Variants in KCNJ6 observed in about 807,000 individuals in gnomAD.
The protein encoded by KCNJ6 is G protein-activated inward rectifier potassium channel 2.
A neutral mutation model predicts 34.2 loss-of-function variants in KCNJ6; 9 were observed. The observed-to-expected ratio is 0.26, with a 90% CI of 0.16 to 0.46. KCNJ6 has a LOEUF of 0.46. KCNJ6 is among the 20% of genes least tolerant of loss of function. KCNJ6 has a pLI of 1.00. For missense variants in KCNJ6, 236 were observed against 531.3 expected (o/e 0.44, Z 5.46); for synonymous variants, 196 against 207.1 (o/e 0.95, Z 0.46).
Position 37,619,760 on chromosome 21 carries a change from G to A in KCNJ6, c.*5399C>T, listed in dbSNP as rs976716697. On this transcript the variant is annotated 3_prime_UTR_variant, in exon 4 of 4. Transcript: ENST00000609713. ...TGGGCTGCTTTGCTGAGCAGAGACT[G>A]GCAGCCTGAGCTATGTACATCATCC... The A allele has an allele frequency of 2.6e-5, 4 of 152,248 alleles. No homozygotes were observed. The highest frequency in any genetic ancestry group is 5.9e-5 in the Non-Finnish European group (4 of 68,068). The allele number at this position is 152,248 out of a possible 1,614,324, so 9.4% of individuals were successfully genotyped here.
At chr21:37,667,674 G>A (rs951478526) in intron 3 of KCNJ6, among the ~76,000 whole-genome samples, 6 of 151,920 alleles carry the variant, frequency 3.9e-5, no homozygotes, top group African/African-American at 9.7e-5. Flanking sequence ...CAGGTCCGGG[G>A]TAGCGGGCTC....
intron 3 of KCNJ6, among the ~76,000 whole-genome samples, chr21:37,665,623 A>C (rs2054510397): frequency 6.6e-6 from 1 of 152,192 alleles, no homozygotes; most frequent in Admixed American, 6.5e-5. Context: ...CAGGTGTGCC[A>C]ACCTTTCCTT....
At chr21:37,697,437 C>T (rs1324750862) in intron 3 of KCNJ6, among the ~76,000 whole-genome samples, 2 of 152,130 alleles carry the variant, frequency 1.3e-5, no homozygotes, top group African/African-American at 4.8e-5. Context: ...CCTGAGTATT[C>T]CCAATGTGTG....
At chr21:37,720,164 A>C (rs2123457606) in intron 2 of KCNJ6, among the ~76,000 whole-genome samples, 1 of 152,318 alleles carries the variant, frequency 6.6e-6, no homozygotes, top group South Asian at 2.1e-4. Context: ...ATTTTCTAGA[A>C]TACATTTATA....
chr21:37,731,098 GA>G (rs2054881921), intron 2 of KCNJ6, among the ~76,000 whole-genome samples: 1 of 51,572 alleles, frequency 1.9e-5, no homozygotes, highest in South Asian at 1.2e-3. Flanking sequence ...ATAGATGAGA[GA>G]AGTGTGTGTG....
intron 1 of KCNJ6, among the ~76,000 whole-genome samples, chr21:37,884,972 T>C (rs2123627824): frequency 6.6e-6 from 1 of 152,250 alleles, no homozygotes; most frequent in East Asian, 1.9e-4. Flanking sequence ...CTAGAGCTTC[T>C]TGTTCTCAGA....
Position 37,625,271 on chromosome 21 carries a change from C to T in KCNJ6, c.1160G>A (p.Ser387Asn), listed in dbSNP as rs772844466. ...CAGTTCTGCATGTTGGTTGAGTTTG[C>T]TGGATACAGACCAACTCAGGGGCAG... ...AELPLSWSVS[S>N]KLNQHAELET... The change falls in exon 4 of 4, where the codon AGC becomes AAC. Residue 387 changes from serine (S) to asparagine (N), a missense_variant. Physicochemically the swap from Ser to Asn is conservative, Grantham distance 46. Around this residue, in one of 5 missense-constraint regions of KCNJ6, gnomAD observed 43 missense variants for 52.1 expected, o/e 0.82. Transcript: ENST00000609713. 6.2e-7 allele frequency: 1 copy of T among 1,614,160 alleles called. No individual in the cohort carries two copies. Among genetic ancestry groups the T allele is most frequent in the Non-Finnish European group, 8.5e-7 (1 of 1,180,002 alleles).
chr21:37,685,510 C>A, intron 3 of KCNJ6, among the ~76,000 whole-genome samples: 1 of 22,776 alleles, frequency 4.4e-5, no homozygotes, highest in Non-Finnish European at 1.5e-4. Context: ...TGAAACCCCG[C>A]CTCTACTAAA....
rs2054672129 is a variant in KCNJ6, at chr21:37,698,125, G to A, written c.946+16086C>T. 2.0e-5 allele frequency among the ~76,000 whole-genome samples: 3 copies of A among 152,224 alleles called. No homozygotes were observed. In the South Asian group the frequency reaches 6.2e-4, roughly 32 times the overall value. ...AAAACAGAATGTTAATAATAGTACTGTTTACTGCGGGATCTCTGCTTTTGA... is the reference window on the plus strand; with the variant it reads ...AAAACAGAATGTTAATAATAGTACTATTTACTGCGGGATCTCTGCTTTTGA... On this transcript the variant is annotated intron_variant, in intron 3 of 3. Transcript: ENST00000609713.
intron 2 of KCNJ6, among the ~76,000 whole-genome samples, chr21:37,775,158 G>T (rs2055136044): frequency 6.6e-6 from 1 of 152,082 alleles, no homozygotes; most frequent in Non-Finnish European, 1.5e-5. Context: ...CTTTTGAGAA[G>T]TATCTGTTCA....
chr21:37,880,360 T>C (rs964815581), intron 1 of KCNJ6, among the ~76,000 whole-genome samples: 1 of 152,206 alleles, frequency 6.6e-6, no homozygotes, highest in African/African-American at 2.4e-5. Flanking sequence ...AGAGAAACAT[T>C]GGAATTTAGT....
chr21:37,690,709 T>C (rs2054635633), intron 3 of KCNJ6, among the ~76,000 whole-genome samples: 1 of 152,174 alleles, frequency 6.6e-6, no homozygotes, highest in Non-Finnish European at 1.5e-5. Context: ...CAAACAGAAA[T>C]TGGACATAAA....
intron 3 of KCNJ6, among the ~76,000 whole-genome samples, chr21:37,629,304 T>G (rs1002645905): frequency 2.6e-5 from 4 of 152,118 alleles, no homozygotes; most frequent in Non-Finnish European, 5.9e-5. Flanking sequence ...TGATCCAAAA[T>G]ATGTGGTGGG....
At chr21:37,873,058 G>A (rs1009416804) in intron 1 of KCNJ6, among the ~76,000 whole-genome samples, 4 of 152,036 alleles carry the variant, frequency 2.6e-5, no homozygotes, top group South Asian at 2.1e-4. Flanking sequence ...TCATAGCAAC[G>A]TTGAGAACAG....
chr21:37,877,414 G>C (rs181212731), intron 1 of KCNJ6, among the ~76,000 whole-genome samples: 1 of 152,126 alleles, frequency 6.6e-6, no homozygotes, highest in Non-Finnish European at 1.5e-5. Context: ...CTCTCTGCAG[G>C]ATGTGCAGAG....
chr21:37,803,094 C>T (rs937828120), intron 2 of KCNJ6, among the ~76,000 whole-genome samples: 3 of 152,210 alleles, frequency 2.0e-5, no homozygotes, highest in South Asian at 4.1e-4. Context: ...TCCTTGTCAA[C>T]GCACAGCGAA....
At chr21:37,894,480 T>C (rs758157907) in intron 1 of KCNJ6, among the ~76,000 whole-genome samples, 5 of 152,108 alleles carry the variant, frequency 3.3e-5, no homozygotes, top group African/African-American at 9.7e-5. Flanking sequence ...CTGGCCAAGA[T>C]AGTGAAACCC....
chr21:37,704,309 G>T (rs2054707567), intron 3 of KCNJ6, among the ~76,000 whole-genome samples: 1 of 134,762 alleles, frequency 7.4e-6, no homozygotes, highest in African/African-American at 2.5e-5. Context: ...CTTTGTTTGA[G>T]GAAACATAAA....
chr21:37,747,484 C>A (rs565533392), intron 2 of KCNJ6, among the ~76,000 whole-genome samples: 2 of 152,224 alleles, frequency 1.3e-5, no homozygotes, highest in Non-Finnish European at 2.9e-5. Flanking sequence ...TATACAGAAT[C>A]TGTGAATATG....
Sources: gnomAD v4.1 joint callset for allele counts (sites outside exome capture counted in the v4.1 genomes callset) on GRCh38, gnomAD v4.1.1 for gene constraint, gnomAD v4.1.1 regional missense constraint, MANE v1.5 for transcripts, NCBI Gene and HGNC (gene_info 2026-07-23, HGNC 2026-07-21) for gene names.